TSHR: variants seen among roughly 807,000 people sequenced by gnomAD.
The protein encoded by TSHR is thyroid stimulating hormone receptor.
In TSHR, 51 loss-of-function variants were observed where a neutral mutation model predicts 64.1. The ratio of observed to expected loss-of-function variants is 0.80; its 90% CI spans 0.64 to 1.01. The LOEUF is 1.01. Among genes scored for constraint, TSHR ranks in the 50% least tolerant of loss-of-function variants. TSHR has a pLI of 0.00. For synonymous variants in TSHR, 361 were observed against 361.9 expected, an observed-to-expected ratio of 1.00 and a Z score of 0.03; for missense variants, 877 against 942.8, an observed-to-expected ratio of 0.93 and a Z score of 0.91.
At chr14:81,112,359 C>T (rs1440582072) in intron 8 of TSHR, among the ~76,000 whole-genome samples, 1 of 152,168 alleles carries the variant, frequency 6.6e-6, no homozygotes, top group Non-Finnish European at 1.5e-5. Context: ...ACTCCTTCCC[C>T]ATTTCTCTCC....
rs114061121 is a variant in TSHR at position 81,107,369 on chromosome 14, T to C, written c.615-1006T>C. Among the ~76,000 whole-genome samples, 478 of 152,292 alleles carry C rather than the reference T, an allele frequency of 3.1e-3. 2 individuals carry two copies. Among genetic ancestry groups the C allele is most frequent in the African/African-American group, 0.011 (451 of 41,566 alleles). The stretch of plus-strand genomic sequence containing the variant: ...AGGTGGCCACTCACTAATGTTTAAG[T>C]GGACCAGGTTATGTTGTGAGTTATT... On this transcript the variant is annotated intron_variant, in intron 7 of 9. Transcript: ENST00000298171.
At chr14:80,971,614 G>A (rs1381402013) in intron 1 of TSHR, among the ~76,000 whole-genome samples, 5 of 152,144 alleles carry the variant, frequency 3.3e-5, no homozygotes, top group Admixed American at 6.5e-5. Flanking sequence ...TGGGGTTTTT[G>A]TTGGTTTTGT....
intron 1 of TSHR, among the ~76,000 whole-genome samples, chr14:81,034,805 C>T (rs726625): frequency 0.24 from 37,160 of 152,014 alleles, 4,655 homozygotes; most frequent in South Asian, 0.33. Flanking sequence ...CTAATGAAAA[C>T]ATAATAATTT....
At chr14:80,960,115 C>T (rs1327453073) in intron 1 of TSHR, among the ~76,000 whole-genome samples, 1 of 152,190 alleles carries the variant, frequency 6.6e-6, no homozygotes, top group East Asian at 1.9e-4. Flanking sequence ...AACAATCTGG[C>T]ACGGTGTCCT....
intron 8 of TSHR, among the ~76,000 whole-genome samples, chr14:81,122,770 C>T (rs1025832960): frequency 6.6e-6 from 1 of 152,136 alleles, no homozygotes; most frequent in Admixed American, 6.5e-5. Flanking sequence ...GAAGGGCTGC[C>T]TCTTGTATTA....
intron 8 of TSHR, among the ~76,000 whole-genome samples, chr14:81,117,564 A>G (rs1890576016): frequency 7.1e-6 from 1 of 140,914 alleles, no homozygotes; most frequent in African/African-American, 2.9e-5. Flanking sequence ...CAAAGAGTCC[A>G]GATGGATTCA....
intron 4 of TSHR, among the ~76,000 whole-genome samples, chr14:81,089,317 A>T (rs1041796740): frequency 1.3e-5 from 2 of 152,128 alleles, no homozygotes; most frequent in East Asian, 3.9e-4. Context: ...GGTGGGTGTG[A>T]GAGATGCCAG....
In TSHR at chr14:81,070,625, CAAAAAAAAAAA is replaced by C. The variant is rs60958301; in HGVS notation, c.317+2313_317+2323del. 7.6e-4 allele frequency among the ~76,000 whole-genome samples: 12 copies of C among 15,824 alleles called. 1 individual carries two copies. In the South Asian group the frequency reaches 0.019, roughly 25 times the overall value. 10.4% of individuals were successfully genotyped at this position (15,824 alleles called of 152,430 possible). ...TGGGCAACAGAGTAAGATTCCATCT[CAAAAAAAAAAA>C]AAAAAAAAAAAAAAAGCAGCAAGGA... On this transcript the variant is annotated intron_variant, in intron 3 of 9. Transcript: ENST00000298171.
chr14:81,053,820 G>C (rs182591579), intron 1 of TSHR: 2 of 152,154 alleles, frequency 1.3e-5, no homozygotes, highest in East Asian at 3.9e-4. Context: ...CCATCAACTG[G>C]AGAATGAACA....
chr14:81,143,096 T>C lies in TSHR; in HGVS notation c.1038T>C (p.Thr346=), dbSNP rs779438348. Residue 346 remains threonine, a synonymous_variant, in exon 10 of 10, where the codon ACT becomes ACC. Transcript: ENST00000298171. ...GYKEKSKFQD[T]HNNAHYYVFF... ...AGGAAAAGTCCAAGTTCCAGGATAC[T>C]CATAACAACGCTCATTATTACGTCT... The C allele has an allele frequency of 5.6e-6, 9 of 1,614,010 alleles. No individual in the cohort carries two copies. In the African/African-American group the frequency reaches 1.2e-4, roughly 22 times the overall value.
intron 3 of TSHR, among the ~76,000 whole-genome samples, chr14:81,068,941 T>G (rs76655705): frequency 0.031 from 4,714 of 152,252 alleles, 266 homozygotes; most frequent in African/African-American, 0.1. Context: ...CAATATACCA[T>G]TCAAAAATAG....
chr14:81,031,758 A>T (rs898385820), intron 1 of TSHR, among the ~76,000 whole-genome samples: 1 of 152,208 alleles, frequency 6.6e-6, no homozygotes, highest in Non-Finnish European at 1.5e-5. Flanking sequence ...AAACTCTAGC[A>T]GCCTAGGTCA....
chr14:81,018,453 T>C (rs1180055574), intron 1 of TSHR, among the ~76,000 whole-genome samples: 2 of 152,220 alleles, frequency 1.3e-5, no homozygotes, highest in Non-Finnish European at 2.9e-5. Flanking sequence ...GAAGCAGTGA[T>C]GCAAGTAATT....
intron 1 of TSHR, among the ~76,000 whole-genome samples, chr14:81,040,359 C>T (rs1245037822): frequency 1.3e-5 from 2 of 151,934 alleles, no homozygotes; most frequent in Non-Finnish European, 2.9e-5. Context: ...GATAAAATTA[C>T]TAGAATAAAA....
chr14:81,142,873 G>A (rs1891755438), intron 9 of TSHR, 67 bp from the exon 10 acceptor site: 4 of 1,454,456 alleles, frequency 2.8e-6, no homozygotes, highest in South Asian at 2.3e-5. Context: ...GCCTCCCAAA[G>A]TGCTGGGATT....
At chr14:81,120,743 T>C (rs1391758019) in intron 8 of TSHR, among the ~76,000 whole-genome samples, 1 of 152,000 alleles carries the variant, frequency 6.6e-6, no homozygotes, top group Non-Finnish European at 1.5e-5. Context: ...AAACAAGGAC[T>C]AAAATAAACA....
chr14:81,093,114 T>TA lies in TSHR; in HGVS notation c.545+514dup, dbSNP rs35028232. On this transcript the variant is annotated intron_variant, in intron 6 of 9. Transcript: ENST00000298171. ...AGTGACTTACCCAAGATCACTGAGT[T>TA]AAAAAAAAGTGGTGCCACTAAGAAC... 5.9e-5 allele frequency among the ~76,000 whole-genome samples: 9 copies of TA among 151,964 alleles called. No individual in the cohort carries two copies. The East Asian group carries it at 9.6e-4, about 16-fold the overall frequency.
intron 6 of TSHR, among the ~76,000 whole-genome samples, chr14:81,093,340 A>C (rs1393113353): frequency 6.6e-6 from 1 of 152,250 alleles, no homozygotes; most frequent in Non-Finnish European, 1.5e-5. Flanking sequence ...GAGAAGATCT[A>C]ATAGAGGTAT....
At chr14:81,131,172 C>T (rs1280543292) in intron 8 of TSHR, among the ~76,000 whole-genome samples, 1 of 152,162 alleles carries the variant, frequency 6.6e-6, no homozygotes. Flanking sequence ...CAGCTGCAGA[C>T]TAGAAATCTT....
Sources: gnomAD v4.1 joint callset for allele counts (sites outside exome capture counted in the v4.1 genomes callset) on GRCh38, gnomAD v4.1.1 for gene constraint, MANE v1.5 for transcripts, NCBI Gene and HGNC (gene_info 2026-07-23, HGNC 2026-07-21) for gene names.